The following MAP3K21 variants were observed in gnomAD, a reference collection of about 807,000 sequenced individuals.
MAP3K21 encodes the protein mitogen-activated protein kinase kinase kinase MLK4.
A neutral mutation model predicts 86.1 loss-of-function variants in MAP3K21; 63 were observed. The observed-to-expected ratio is 0.73, with a 90% CI of 0.60 to 0.90. The LOEUF is 0.90. MAP3K21 is among the 40% of genes least tolerant of loss of function. MAP3K21 has a pLI of 0.00. For missense variants in MAP3K21, 1,220 were observed against 1,367.7 expected, an observed-to-expected ratio of 0.89 and a Z score of 1.70; for synonymous variants, 558 against 564.8, an observed-to-expected ratio of 0.99 and a Z score of 0.17.
intron 1 of MAP3K21, among the ~76,000 whole-genome samples, chr1:233,337,513 T>C (rs140797254): frequency 1.1e-3 from 167 of 152,370 alleles, no homozygotes; most frequent in African/African-American, 3.9e-3. Context: ...TTTCTACAAC[T>C]CTTTACAGCC....
At chr1:233,337,211 CA>C (rs5781738) in intron 1 of MAP3K21, among the ~76,000 whole-genome samples, 118,154 of 151,856 alleles carry the variant, frequency 0.78, 46,170 homozygotes, top group East Asian at 0.99. Flanking sequence ...CTGTTGTAGC[CA>C]AAAAAAATCC....
intron 1 of MAP3K21, among the ~76,000 whole-genome samples, chr1:233,339,359 C>CTCCCT (rs1558451157): frequency 6.7e-5 from 3 of 44,918 alleles, no homozygotes; most frequent in African/African-American, 9.8e-5. Flanking sequence ...TCCCTCTTCT[C>CTCCCT]CTTCTCCTCC....
intron 1 of MAP3K21, among the ~76,000 whole-genome samples, chr1:233,329,217 G>A (rs1032608023): frequency 6.6e-6 from 1 of 152,144 alleles, no homozygotes; most frequent in African/African-American, 2.4e-5. Flanking sequence ...ACCCATGACC[G>A]TCTTCACCCG....
chr1:233,336,934 G>A (rs1662927553), intron 1 of MAP3K21, among the ~76,000 whole-genome samples: 1 of 152,190 alleles, frequency 6.6e-6, no homozygotes, highest in African/African-American at 2.4e-5. Context: ...CCAGGTGACA[G>A]TATGCCTGAT....
Position 233,327,999 on chromosome 1 carries a change from C to G in MAP3K21, c.-30C>G. The G allele has an allele frequency of 2.4e-6, 3 of 1,250,022 alleles. No homozygotes were observed. The highest frequency in any genetic ancestry group is 3.0e-6 in the Non-Finnish European group (3 of 998,978). The allele number at this position is 1,250,022 out of a possible 1,614,324, so 77.4% of individuals were successfully genotyped here. ...CGCCCGGGAGGCTGAGCCCAGCTTC[C>G]CGCTCCGCCTTCCCCGCGCAGCTGC... On this transcript the variant is annotated 5_prime_UTR_variant, in exon 1 of 10. Transcript: ENST00000366624.
intron 2 of MAP3K21, among the ~76,000 whole-genome samples, chr1:233,348,426 A>G (rs977234467): frequency 2.0e-5 from 3 of 152,204 alleles, no homozygotes; most frequent in African/African-American, 2.4e-5. Flanking sequence ...GGCGACTGCA[A>G]ATAGAACTGA....
At chr1:233,367,718 G>C (rs1663604272) in intron 5 of MAP3K21, among the ~76,000 whole-genome samples, 1 of 152,062 alleles carries the variant, frequency 6.6e-6, no homozygotes, top group Non-Finnish European at 1.5e-5. Context: ...ATATTAGATG[G>C]GCGTGGTGGC....
rs1171952252 is a variant in MAP3K21, at chr1:233,339,425, CCTCCTT to C, written c.806-7011_806-7006del. Among the ~76,000 whole-genome samples, 483 of 70,946 alleles carry C rather than the reference CCTCCTT, an allele frequency of 6.8e-3. 8 individuals are homozygous for C. The highest frequency in any genetic ancestry group is 0.031 in the African/African-American group (451 of 14,732). 46.5% of individuals were successfully genotyped at this position (70,946 alleles called of 152,430 possible). ...TCCTCCTCCTCCTCCTCCTTCTCCT[CCTCCTT>C]CTCCTCCTCCTTCTCCTCCTCCTTC... On this transcript the variant is annotated intron_variant, in intron 1 of 9. Transcript: ENST00000366624.
In MAP3K21 at chr1:233,362,130, T is replaced by C. The variant is rs1162610550; in HGVS notation, c.1389T>C (p.Arg463=). The change falls in exon 5 of 10, where the codon CGT becomes CGC. Residue 463 remains arginine (R), a synonymous_variant. Coordinates refer to ENST00000366624, the MANE Select transcript of MAP3K21 (RefSeq NM_032435.3). ...CTCAGGAGGAGCTGCTAAAGCGGCG[T>C]GAGCAGCAGCTGGCAGAGCGCGAGA... is the stretch of plus-strand genomic sequence containing the variant. ...QKSQEELLKR[R]EQQLAEREID... is the part of the protein sequence containing the mutation. 1.2e-6 allele frequency: 2 copies of C among 1,614,126 alleles called. No homozygotes were observed. The highest frequency in any genetic ancestry group is 1.7e-5 in the Admixed American group (1 of 60,012).
At chr1:233,353,978 T>C in intron 3 of MAP3K21, 23 bp downstream of exon 3, 1 of 1,453,212 alleles carries the variant, frequency 6.9e-7, no homozygotes, top group South Asian at 1.5e-5. Flanking sequence ...TGTGTGTGTG[T>C]CTTTGTGGGG....
At chr1:233,337,746 C>G (rs981849170) in intron 1 of MAP3K21, among the ~76,000 whole-genome samples, 2 of 152,102 alleles carry the variant, frequency 1.3e-5, no homozygotes, top group African/African-American at 4.8e-5. Flanking sequence ...TAAGTTGGGT[C>G]AAGGTGGAGG....
At chr1:233,375,869 G>C in intron 6 of MAP3K21, 47 bp from the exon 7 acceptor site, 3 of 1,495,232 alleles carry the variant, frequency 2.0e-6, no homozygotes, top group Non-Finnish European at 2.8e-6. Context: ...GCCAATATTG[G>C]TTAATATGAT....
At chr1:233,354,649 A>C (rs547371418) in intron 3 of MAP3K21, among the ~76,000 whole-genome samples, 187 bp from the exon 4 acceptor site, 47 of 152,224 alleles carry the variant, frequency 3.1e-4, no homozygotes, top group Non-Finnish European at 6.3e-4. Context: ...CATGGACACT[A>C]TGTAAAATAA....
chr1:233,343,989 G>A (rs1334697952), intron 1 of MAP3K21, among the ~76,000 whole-genome samples: 4 of 152,190 alleles, frequency 2.6e-5, no homozygotes, highest in Non-Finnish European at 5.9e-5. Flanking sequence ...TTAGAGCCTC[G>A]TGGACAACCT....
rs1327714176 is a variant in MAP3K21 at position 233,353,949 on chromosome 1, A to G, written c.1129A>G (p.Met377Val). Residue 377 changes from methionine (M) to valine (V), a missense_variant, in exon 3 of 10, where the codon ATG (methionine) becomes GTG (valine). Met to Val is a conservative substitution (Grantham distance 21). Around this residue, in one of 5 missense-constraint regions of MAP3K21, gnomAD observed 126 missense variants for 127.7 expected, o/e 0.99. Coordinates refer to ENST00000366624, the MANE Select transcript of MAP3K21 (RefSeq NM_032435.3). ...CTGCCCTGAGCCGTTTGCCAAGCTC[A>G]TGAAAGGTATTGTGTGTGTGTGTGT... ...STCPEPFAKL[M>V]KECWQQDPHI... is the part of the protein sequence containing the mutation. 1 of 1,602,778 alleles carries G rather than the reference A, an allele frequency of 6.2e-7. No homozygotes were observed. The highest frequency in any genetic ancestry group is 8.5e-7 in the Non-Finnish European group (1 of 1,175,336).
chr1:233,341,846 C>T (rs1303552850), intron 1 of MAP3K21, among the ~76,000 whole-genome samples: 1 of 152,012 alleles, frequency 6.6e-6, no homozygotes, highest in Non-Finnish European at 1.5e-5. Context: ...TATAAAAGTG[C>T]TTTGAGAAAC....
At chr1:233,338,087 G>A (rs1662950574) in intron 1 of MAP3K21, among the ~76,000 whole-genome samples, 1 of 152,166 alleles carries the variant, frequency 6.6e-6, no homozygotes, top group Non-Finnish European at 1.5e-5. Flanking sequence ...TAACATGATA[G>A]AAATTTAGAG....
intron 1 of MAP3K21, among the ~76,000 whole-genome samples, chr1:233,337,818 AT>A (rs2102759263): frequency 6.6e-6 from 1 of 152,268 alleles, no homozygotes; most frequent in East Asian, 1.9e-4. Flanking sequence ...TAGTTTGTGC[AT>A]TTTTTAAGCT....
intron 1 of MAP3K21, among the ~76,000 whole-genome samples, chr1:233,336,277 A>G (rs1195071186): frequency 6.6e-6 from 1 of 152,184 alleles, no homozygotes; most frequent in African/African-American, 2.4e-5. Context: ...ATGGTGGCTC[A>G]CACCTGTAAT....
Sources: gnomAD v4.1 joint callset for allele counts (sites outside exome capture counted in the v4.1 genomes callset) on GRCh38, gnomAD v4.1.1 for gene constraint, gnomAD v4.1.1 regional missense constraint, MANE v1.5 for transcripts, NCBI Gene and HGNC (gene_info 2026-07-23, HGNC 2026-07-21) for gene names.